The following YTHDF3 variants were observed in gnomAD, a reference collection of about 807,000 sequenced individuals.
The protein encoded by YTHDF3 is YTH domain-containing family protein 3.
In YTHDF3, 9 loss-of-function variants were observed where a neutral mutation model predicts 52.5. The ratio of observed to expected loss-of-function variants is 0.17; its 90% CI spans 0.10 to 0.30. The LOEUF (loss-of-function observed/expected upper bound fraction) is 0.30, where lower values mean the gene tolerates loss of function less well. Among genes scored for constraint, YTHDF3 ranks in the 10% least tolerant of loss-of-function variants. The pLI is 1.00. For synonymous variants in YTHDF3, 274 were observed against 243.3 expected (o/e 1.13, Z -1.18); for missense variants, 534 against 715.0 (o/e 0.75, Z 2.89).
In YTHDF3 at chr8:63,179,872, T is replaced by C. The variant is rs182347867; in HGVS notation, c.135+4456T>C. The stretch of plus-strand genomic sequence containing the variant: ...GCTGACCCTCCCACCTCCCCCCGGA[T>C]GGGGCGGCCGGCCAGGCAGAGGGGC... On this transcript the variant is annotated intron_variant, in intron 3 of 4. Coordinates refer to ENST00000539294, the MANE Select transcript of YTHDF3 (RefSeq NM_152758.6). 8.6e-3 allele frequency among the ~76,000 whole-genome samples: 1,155 copies of C among 134,402 alleles called. 21 individuals carry two copies. The highest frequency in any genetic ancestry group is 0.032 in the African/African-American group (1,109 of 35,116). The allele number at this position is 134,402 out of a possible 152,430, so 88.2% of individuals were successfully genotyped here.
At chr8:63,198,356 T>C (rs1809372161) in intron 4 of YTHDF3, among the ~76,000 whole-genome samples, 1 of 151,772 alleles carries the variant, frequency 6.6e-6, no homozygotes, top group African/African-American at 2.4e-5. Context: ...AGTCTCCACC[T>C]TCGGGATTCA....
chr8:63,190,174 G>A (rs543443314), intron 4 of YTHDF3, among the ~76,000 whole-genome samples: 1 of 152,234 alleles, frequency 6.6e-6, no homozygotes, highest in African/African-American at 2.4e-5. Flanking sequence ...ACAGATTTGG[G>A]GACCTTTTGT....
chr8:63,207,702 C>CT (rs1414764087), intron 4 of YTHDF3, among the ~76,000 whole-genome samples: 1 of 152,164 alleles, frequency 6.6e-6, no homozygotes, highest in East Asian at 1.9e-4. Context: ...TGGCATTAAA[C>CT]TACTCTTTGT....
In YTHDF3 at chr8:63,168,626, T is replaced by C; in HGVS notation, c.-252T>C. On this transcript the variant is annotated 5_prime_UTR_variant, in exon 1 of 5. Coordinates refer to ENST00000539294, the MANE Select transcript of YTHDF3 (RefSeq NM_152758.6). ...GGGAGGCTCGGAGCGGAAGTGAGACTAGGGAGTCTGTCCGCCATTGTGGAC... is the reference window on the plus strand; with the variant it reads ...GGGAGGCTCGGAGCGGAAGTGAGACCAGGGAGTCTGTCCGCCATTGTGGAC... The C allele has an allele frequency of 3.1e-6, 2 of 647,398 alleles. No homozygotes were observed. The highest frequency in any genetic ancestry group is 5.8e-5 in the East Asian group (2 of 34,724). The allele number at this position is 647,398 out of a possible 1,614,324, so 40.1% of individuals were successfully genotyped here. A position where few individuals can be genotyped will look rare whatever the true frequency, so the allele number is the denominator to read the frequency against.
In YTHDF3 at chr8:63,192,693, T is replaced by G. The variant is rs534965658; in HGVS notation, c.1734+4948T>G. ...TTTGGACTTCCCAGTATAACTGCTT[T>G]CAAATACTTTGGTCATTTTAGTGCT... On this transcript the variant is annotated intron_variant, in intron 4 of 4. Coordinates refer to ENST00000539294, the MANE Select transcript of YTHDF3 (RefSeq NM_152758.6). 2.6e-5 allele frequency among the ~76,000 whole-genome samples: 4 copies of G among 152,364 alleles called. No homozygotes were observed. The South Asian group carries it at 8.3e-4, about 32-fold the overall frequency.
chr8:63,186,692 A>G lies in YTHDF3; in HGVS notation c.681A>G (p.Pro227=), dbSNP rs1348310276. 6 of 1,613,886 alleles carry G rather than the reference A, an allele frequency of 3.7e-6. No individual in the cohort carries two copies. In the East Asian group the frequency reaches 8.9e-5, roughly 24 times the overall value. The change falls in exon 4 of 5, where the codon CCA becomes CCG. Residue 227 remains proline, a synonymous_variant. Transcript: ENST00000539294. ...MTSIATNSVP[P]VSSAAPKPTS... ...GCATTGCAACCAATAGTGTGCCCCCAGTTAGCAGTGCAGCACCTAAACCAA... is the reference window on the plus strand; with the variant it reads ...GCATTGCAACCAATAGTGTGCCCCCGGTTAGCAGTGCAGCACCTAAACCAA...
At position 63,180,780 on chromosome 8, in the gene YTHDF3, C is replaced by T. The variant is rs368096005; in HGVS notation, c.135+5364C>T. On this transcript the variant is annotated intron_variant, in intron 3 of 4. Coordinates refer to ENST00000539294, the MANE Select transcript of YTHDF3 (RefSeq NM_152758.6). ...CGCGGTTAGGAGCTGGAGACCAGCCCGGCCAACACAGCGAAACCCCGTCTA... is the reference window on the plus strand; with the variant it reads ...CGCGGTTAGGAGCTGGAGACCAGCCTGGCCAACACAGCGAAACCCCGTCTA... Among the ~76,000 whole-genome samples, 34 of 152,286 alleles carry T rather than the reference C, an allele frequency of 2.2e-4. No homozygotes were observed. The East Asian group carries it at 5.4e-3, about 24-fold the overall frequency.
Position 63,186,915 on chromosome 8 carries a change from C to G in YTHDF3, c.904C>G (p.Gln302Glu). The G allele has an allele frequency of 6.2e-7, 1 of 1,613,948 alleles. No homozygotes were observed. The highest frequency in any genetic ancestry group is 1.3e-5 in the African/African-American group (1 of 75,016). ...AGTTCTGCCTCCTCAAACTATAATC[C>G]AGCAGCCTCAGCCATTAATTCAACC... ...QPVLPPQTIIQQPQPLIQPPP... is the reference protein window; with the variant it reads ...QPVLPPQTIIEQPQPLIQPPP... The change falls in exon 4 of 5, where the codon CAG becomes GAG. Residue 302 changes from glutamine to glutamate, a missense_variant. Physicochemically the swap from Gln to Glu is conservative, Grantham distance 29 (BLOSUM62 2). Around this residue, in one of 3 missense-constraint regions of YTHDF3, gnomAD observed 203 missense variants for 201.3 expected, o/e 1.01. Coordinates refer to ENST00000539294, the MANE Select transcript of YTHDF3 (RefSeq NM_152758.6).
chr8:63,179,320 C>A (rs925638503), intron 3 of YTHDF3, among the ~76,000 whole-genome samples: 14 of 151,766 alleles, frequency 9.2e-5, no homozygotes, highest in African/African-American at 3.1e-4. Context: ...AGCAGATAAA[C>A]AAGTGAACAA....
At chr8:63,209,351 T>G (rs1810239743) in intron 4 of YTHDF3, among the ~76,000 whole-genome samples, 1 of 152,144 alleles carries the variant, frequency 6.6e-6, no homozygotes, top group Non-Finnish European at 1.5e-5. Context: ...TAGCTTTTAG[T>G]CTGTTTGACA....
intron 4 of YTHDF3, among the ~76,000 whole-genome samples, chr8:63,195,796 G>A (rs1809199757): frequency 6.6e-6 from 1 of 151,330 alleles, no homozygotes; most frequent in African/African-American, 2.4e-5. Context: ...GTATTTACGT[G>A]TGTGTGTGTG....
chr8:63,178,381 A>AG (rs1044862647), intron 3 of YTHDF3, among the ~76,000 whole-genome samples: 37 of 152,350 alleles, frequency 2.4e-4, no homozygotes, highest in African/African-American at 8.4e-4. Flanking sequence ...CTTGTAAAAA[A>AG]AAAAATAGTT....
rs1807053879 is a variant in YTHDF3, at chr8:63,168,667, C to G, written c.-211C>G. 1 of 856,896 alleles carries G rather than the reference C, an allele frequency of 1.2e-6. No individual in the cohort carries two copies. The highest frequency in any genetic ancestry group is 1.7e-5 in the African/African-American group (1 of 58,566). The allele number at this position is 856,896 out of a possible 1,614,324, so 53.1% of individuals were successfully genotyped here. A position where few individuals can be genotyped will look rare whatever the true frequency, so the allele number is the denominator to read the frequency against. On this transcript the variant is annotated 5_prime_UTR_variant, in exon 1 of 5. Coordinates refer to ENST00000539294, the MANE Select transcript of YTHDF3 (RefSeq NM_152758.6). ...CATTGTGGACCCGAGAAGCAGAGAG[C>G]GAGAGGGGGAAGAGGAGCGTGCAAG...
intron 4 of YTHDF3, among the ~76,000 whole-genome samples, chr8:63,200,037 G>A (rs534360615): frequency 6.6e-6 from 1 of 152,220 alleles, no homozygotes; most frequent in Non-Finnish European, 1.5e-5. Flanking sequence ...AGCTTGTCTG[G>A]GTCCTCAGCT....
intron 2 of YTHDF3, among the ~76,000 whole-genome samples, chr8:63,171,127 CTTG>C (rs1163406824): frequency 3.9e-5 from 6 of 152,042 alleles, no homozygotes; most frequent in Admixed American, 3.3e-4. Context: ...TTCTTTCCCC[CTTG>C]TTGTTCAGTT....
At chr8:63,189,212 T>A (rs1320363154) in intron 4 of YTHDF3, among the ~76,000 whole-genome samples, 1 of 152,178 alleles carries the variant, frequency 6.6e-6, no homozygotes, top group African/African-American at 2.4e-5. Context: ...TTTTTATTTT[T>A]TAAAAATATC....
At chr8:63,170,916 T>C (rs1365853342) in intron 2 of YTHDF3, among the ~76,000 whole-genome samples, 1 of 152,194 alleles carries the variant, frequency 6.6e-6, no homozygotes, top group Non-Finnish European at 1.5e-5. Flanking sequence ...GTCATTTCAC[T>C]TAGGTAGGCA....
At chr8:63,193,343 T>TC (rs1319512666) in intron 4 of YTHDF3, among the ~76,000 whole-genome samples, 1 of 121,582 alleles carries the variant, frequency 8.2e-6, no homozygotes, top group Non-Finnish European at 1.6e-5. Flanking sequence ...ACCACTCCAC[T>TC]CCAGCCTGGG....
Position 63,209,697 on chromosome 8 carries a change from C to G in YTHDF3, c.1749C>G (p.Asn583Lys). 6.4e-7 allele frequency: 1 copy of G among 1,556,136 alleles called. No individual in the cohort carries two copies. Among genetic ancestry groups the G allele is most frequent in the Non-Finnish European group, 8.6e-7 (1 of 1,157,106 alleles). ...EEAMRRERNR[N>K]KQ The stretch of plus-strand genomic sequence containing the variant: ...TTTTTTTTCAGGAGAGAAATAGAAA[C>G]AAACAATAACCGTATGAAGATGTCC... The change falls in exon 5 of 5, where the codon AAC (asparagine) becomes AAG (lysine). Residue 583 changes from asparagine (N) to lysine (K), a missense_variant. By Grantham distance (94) the Asn-to-Lys change is moderately conservative. Coordinates refer to ENST00000539294, the MANE Select transcript of YTHDF3 (RefSeq NM_152758.6).
Sources: gnomAD v4.1 joint callset for allele counts (sites outside exome capture counted in the v4.1 genomes callset) on GRCh38, gnomAD v4.1.1 for gene constraint, gnomAD v4.1.1 regional missense constraint, MANE v1.5 for transcripts, NCBI Gene and HGNC (gene_info 2026-07-23, HGNC 2026-07-21) for gene names.